PDLIM5: variants seen among roughly 807,000 people sequenced by gnomAD.
PDLIM5 encodes the protein PDZ and LIM domain protein 5.
Under a neutral mutation model 64.2 loss-of-function variants are expected in PDLIM5, and 34 were observed. That is an observed-to-expected ratio of 0.53 (90% CI 0.40 to 0.71). The LOEUF (loss-of-function observed/expected upper bound fraction) is 0.71. PDLIM5 is among the 30% of genes least tolerant of loss of function. PDLIM5 has a pLI of 0.00. For synonymous variants in PDLIM5, 253 were observed against 269.1 expected, an observed-to-expected ratio of 0.94 and a Z score of 0.59; for missense variants, 683 against 733.6, an observed-to-expected ratio of 0.93 and a Z score of 0.80.
At chr4:94,472,430 C>T (rs1724963868) in intron 2 of PDLIM5, among the ~76,000 whole-genome samples, 1 of 152,114 alleles carries the variant, frequency 6.6e-6, no homozygotes, top group Non-Finnish European at 1.5e-5. Context: ...TTTAAAGTAG[C>T]ATGAAACACA....
chr4:94,485,758 A>C (rs1168104827), intron 2 of PDLIM5, among the ~76,000 whole-genome samples: 1 of 151,240 alleles, frequency 6.6e-6, no homozygotes, highest in African/African-American at 2.4e-5. Flanking sequence ...GCTGAGTCAG[A>C]AGAATCGCTT....
At chr4:94,498,285 A>C (rs1426422112) in intron 2 of PDLIM5, among the ~76,000 whole-genome samples, 1 of 152,208 alleles carries the variant, frequency 6.6e-6, no homozygotes, top group Non-Finnish European at 1.5e-5. Context: ...ATGAAAAATA[A>C]ATTTATTTAA....
chr4:94,652,055 T>C (rs774653500), intron 9 of PDLIM5, among the ~76,000 whole-genome samples: 9 of 152,354 alleles, frequency 5.9e-5, no homozygotes, highest in African/African-American at 1.2e-4. Flanking sequence ...TCAGTTATTC[T>C]TAAATGTCTT....
At chr4:94,467,373 G>A (rs756239323) in intron 2 of PDLIM5, among the ~76,000 whole-genome samples, 11 of 150,764 alleles carry the variant, frequency 7.3e-5, no homozygotes, top group East Asian at 5.9e-4. Flanking sequence ...GGAGTGTGGC[G>A]GCATAATCTC....
intron 2 of PDLIM5, among the ~76,000 whole-genome samples, chr4:94,463,315 C>A (rs1229953202): frequency 6.6e-6 from 1 of 152,124 alleles, no homozygotes; most frequent in Non-Finnish European, 1.5e-5. Flanking sequence ...TTTGACTCCC[C>A]CAAAACTTAG....
chr4:94,661,598 T>A (rs191569495), intron 11 of PDLIM5, among the ~76,000 whole-genome samples: 258 of 152,296 alleles, frequency 1.7e-3, no homozygotes, highest in African/African-American at 6.0e-3. Context: ...CTAATATCGT[T>A]GTGATACAGT....
At chr4:94,602,899 G>A (rs1487504145) in intron 7 of PDLIM5, among the ~76,000 whole-genome samples, 2 of 152,150 alleles carry the variant, frequency 1.3e-5, no homozygotes, top group African/African-American at 4.8e-5. Context: ...AAGATTATTG[G>A]AAGGATTAAA....
intron 7 of PDLIM5, among the ~76,000 whole-genome samples, chr4:94,595,745 C>T (rs772544510): frequency 2.0e-5 from 3 of 152,098 alleles, no homozygotes; most frequent in Non-Finnish European, 4.4e-5. Context: ...GTGACATATC[C>T]TTATTAAGAC....
chr4:94,607,537 A>G (rs1738024700), intron 7 of PDLIM5, among the ~76,000 whole-genome samples: 1 of 152,224 alleles, frequency 6.6e-6, no homozygotes, highest in South Asian at 2.1e-4. Context: ...ATCAAGATAC[A>G]CAACATCCAT....
chr4:94,649,032 G>A (rs1190258326), intron 9 of PDLIM5, among the ~76,000 whole-genome samples: 1 of 151,908 alleles, frequency 6.6e-6, no homozygotes, highest in Non-Finnish European at 1.5e-5. Flanking sequence ...CTGGAGTGCA[G>A]TGGCGCAATC....
chr4:94,514,133 CTTTTTTTTT>C (rs34757067), intron 2 of PDLIM5, among the ~76,000 whole-genome samples: 8 of 115,140 alleles, frequency 6.9e-5, no homozygotes, highest in Non-Finnish European at 1.4e-4. Context: ...CTAGTATTTT[CTTTTTTTTT>C]TTTTTTTTTT....
At chr4:94,476,179 C>G (rs1303774393) in intron 2 of PDLIM5, among the ~76,000 whole-genome samples, 1 of 152,098 alleles carries the variant, frequency 6.6e-6, no homozygotes, top group East Asian at 1.9e-4. Flanking sequence ...AAACCTGATT[C>G]TGCCCACACA....
intron 8 of PDLIM5, among the ~76,000 whole-genome samples, chr4:94,622,047 C>T (rs185822234): frequency 2.6e-5 from 4 of 152,278 alleles, no homozygotes; most frequent in Non-Finnish European, 5.9e-5. Context: ...GCAAAGTTAA[C>T]TTATTTTGTA....
intron 7 of PDLIM5, chr4:94,588,016 C>G (rs1359182744): frequency 1.1e-6 from 1 of 950,304 alleles, no homozygotes; most frequent in African/African-American, 1.8e-5. Context: ...AAATATATGA[C>G]CAGAAATGCT....
chr4:94,554,370 A>G (rs1380224135), intron 3 of PDLIM5, among the ~76,000 whole-genome samples: 5 of 152,204 alleles, frequency 3.3e-5, no homozygotes, highest in Admixed American at 3.3e-4. Flanking sequence ...AAAAAAAGAA[A>G]CTCATCTGCC....
chr4:94,540,568 A>G (rs188691793), intron 3 of PDLIM5, among the ~76,000 whole-genome samples: 7 of 152,270 alleles, frequency 4.6e-5, no homozygotes, highest in African/African-American at 9.6e-5. Flanking sequence ...AGACTGTTTC[A>G]CAAGTGTAGG....
intron 10 of PDLIM5, among the ~76,000 whole-genome samples, chr4:94,655,186 G>A (rs1742116214): frequency 1.3e-5 from 2 of 152,072 alleles, no homozygotes; most frequent in African/African-American, 4.8e-5. Flanking sequence ...ACATGTGATG[G>A]AAAAATAATT....
intron 2 of PDLIM5, among the ~76,000 whole-genome samples, chr4:94,499,628 G>A (rs1195598688): frequency 1.3e-5 from 2 of 152,260 alleles, no homozygotes; most frequent in East Asian, 3.9e-4. Flanking sequence ...CAAATACTAT[G>A]CCATTTTATA....
intron 3 of PDLIM5, among the ~76,000 whole-genome samples, chr4:94,546,801 G>A (rs971125743): frequency 6.6e-6 from 1 of 150,984 alleles, no homozygotes; most frequent in Non-Finnish European, 1.5e-5. Context: ...TACTTAATAT[G>A]TTCAACCCTA....
Sources: allele counts gnomAD v4.1 joint callset (sites outside exome capture counted in the v4.1 genomes callset), GRCh38; gene constraint gnomAD v4.1.1; transcripts MANE v1.5; gene names NCBI Gene and HGNC (gene_info 2026-07-23, HGNC 2026-07-21).